The following RGS6 variants were observed in gnomAD, a reference collection of about 807,000 sequenced individuals.
RGS6 encodes regulator of G protein signaling 6.
RGS6 carries 30 observed loss-of-function variants against 78.5 expected under a neutral mutation model. That is an observed-to-expected ratio of 0.38 (90% confidence interval 0.29 to 0.52). The LOEUF is 0.52. Ranked by LOEUF, RGS6 falls within the 20% of genes least tolerant of loss-of-function variation. The pLI is 0.85. For synonymous variants in RGS6, 206 were observed against 206.0 expected, an observed-to-expected ratio of 1.00 and a Z score of 0.00; for missense variants, 495 against 609.7, an observed-to-expected ratio of 0.81 and a Z score of 1.98.
the RGS6 span, among the ~76,000 whole-genome samples, chr14:72,586,599 G>A: frequency 2.0e-5 from 3 of 151,938 alleles, no homozygotes; most frequent in African/African-American, 7.2e-5. Flanking sequence ...TTCGACACAG[G>A]GCACTTTGGT....
At chr14:71,880,480 C>T in the RGS6 span, among the ~76,000 whole-genome samples, 1 of 152,156 alleles carries the variant, frequency 6.6e-6, no homozygotes, top group African/African-American at 2.4e-5. Flanking sequence ...GTGGGCCAGG[C>T]CTAGGATCCC....
chr14:72,335,818 A>C (rs1011447765), intron 2 of RGS6, among the ~76,000 whole-genome samples: 1 of 152,198 alleles, frequency 6.6e-6, no homozygotes, highest in African/African-American at 2.4e-5. Flanking sequence ...AGCTCGGTTT[A>C]AATTGATAAG....
At chr14:72,263,334 C>T (rs945215196) in intron 2 of RGS6, among the ~76,000 whole-genome samples, 8 of 152,188 alleles carry the variant, frequency 5.3e-5, no homozygotes, top group Non-Finnish European at 1.0e-4. Context: ...TCATGTTGGC[C>T]TTTGCTGGTG....
At chr14:72,613,330 G>T in the RGS6 span, among the ~76,000 whole-genome samples, 1 of 152,152 alleles carries the variant, frequency 6.6e-6, no homozygotes, top group African/African-American at 2.4e-5. Context: ...GGGCCATTTT[G>T]CTCAATGCCT....
At chr14:72,181,005 A>G (rs958185803) in intron 2 of RGS6, among the ~76,000 whole-genome samples, 1 of 152,216 alleles carries the variant, frequency 6.6e-6, no homozygotes, top group African/African-American at 2.4e-5. Flanking sequence ...CTCTTATATT[A>G]TAACTCTCTC....
intron 3 of RGS6, among the ~76,000 whole-genome samples, chr14:72,445,896 G>A (rs1262911820): frequency 6.6e-6 from 1 of 152,158 alleles, no homozygotes; most frequent in East Asian, 1.9e-4. Flanking sequence ...TAGAGTCATT[G>A]CAGATGTAAT....
chr14:72,198,475 T>A (rs992157885), intron 2 of RGS6, among the ~76,000 whole-genome samples: 2 of 152,260 alleles, frequency 1.3e-5, no homozygotes, highest in East Asian at 3.8e-4. Flanking sequence ...CCATTTTAGT[T>A]GTACTATTCT....
intron 3 of RGS6, among the ~76,000 whole-genome samples, chr14:72,365,627 G>A (rs10483844): frequency 0.059 from 9,005 of 152,190 alleles, 451 homozygotes; most frequent in East Asian, 0.3. Flanking sequence ...CACCTGTTTC[G>A]ATCTTATGTG....
the RGS6 span, among the ~76,000 whole-genome samples, chr14:72,591,127 T>A: frequency 6.6e-6 from 1 of 152,226 alleles, no homozygotes; most frequent in African/African-American, 2.4e-5. Flanking sequence ...ATAATGCTAT[T>A]TTGCCCCTTC....
At chr14:72,137,865 A>G (rs75160020) in intron 2 of RGS6, among the ~76,000 whole-genome samples, 5,755 of 152,204 alleles carry the variant, frequency 0.038, 152 homozygotes, top group Middle Eastern at 0.088. Context: ...AATTGTTTAA[A>G]TCATTTACAT....
At chr14:72,420,668 A>G (rs1357529176) in intron 3 of RGS6, among the ~76,000 whole-genome samples, 1 of 152,062 alleles carries the variant, frequency 6.6e-6, no homozygotes, top group Admixed American at 6.6e-5. Flanking sequence ...ACACTTTTAA[A>G]CTCATGAAAA....
chr14:72,302,681 TACAC>T (rs34627833), intron 2 of RGS6, among the ~76,000 whole-genome samples: 8 of 147,818 alleles, frequency 5.4e-5, no homozygotes, highest in Admixed American at 6.7e-5. Context: ...CACATACACA[TACAC>T]ACACACACAC....
At chr14:71,891,843 T>C in the RGS6 span, among the ~76,000 whole-genome samples, 1 of 152,086 alleles carries the variant, frequency 6.6e-6, no homozygotes, top group Non-Finnish European at 1.5e-5. Context: ...CTTGTATTTT[T>C]CCCCCTTTTC....
intron 3 of RGS6, among the ~76,000 whole-genome samples, chr14:72,376,545 G>A (rs2084773246): frequency 6.6e-6 from 1 of 152,112 alleles, no homozygotes. Context: ...GCACATTTTA[G>A]TCAAATTGTC....
intron 2 of RGS6, among the ~76,000 whole-genome samples, chr14:72,330,544 G>A (rs556215355): frequency 1.3e-5 from 2 of 152,318 alleles, no homozygotes; most frequent in South Asian, 2.1e-4. Context: ...TCATAGGGAG[G>A]TTGAAAAATC....
chr14:72,436,055 CTT>C (rs2094897681), intron 3 of RGS6, among the ~76,000 whole-genome samples: 1 of 152,162 alleles, frequency 6.6e-6, no homozygotes, highest in South Asian at 2.1e-4. Context: ...GAAGGACCCT[CTT>C]TGACCCTTCT....
intron 2 of RGS6, among the ~76,000 whole-genome samples, chr14:72,051,419 G>A (rs1001896811): frequency 2.0e-5 from 3 of 151,686 alleles, no homozygotes; most frequent in East Asian, 1.9e-4. Flanking sequence ...GAAAATTAGC[G>A]CCGAAATTGG....
Position 72,255,713 on chromosome 14 carries a change from C to T in RGS6, c.85-96382C>T, listed in dbSNP as rs530421789. Among the ~76,000 whole-genome samples, 9 of 152,294 alleles carry T rather than the reference C, an allele frequency of 5.9e-5. No individual in the cohort carries two copies. In the South Asian group the frequency reaches 1.9e-3, roughly 32 times the overall value. On this transcript the variant is annotated intron_variant, in intron 2 of 17. Transcript: ENST00000553525. ...TTCTATTGCTAAAAATTGCATACCT[C>T]TCTATGTTCAAAGAAAATACCATTT...
chr14:72,059,610 G>C (rs1185895796), intron 2 of RGS6, among the ~76,000 whole-genome samples: 1 of 152,158 alleles, frequency 6.6e-6, no homozygotes, highest in Non-Finnish European at 1.5e-5. Context: ...TCTTGTTATG[G>C]ATGGAATGCC....
Sources: allele counts gnomAD v4.1 joint callset (sites outside exome capture counted in the v4.1 genomes callset), GRCh38; gene constraint gnomAD v4.1.1; transcripts MANE v1.5; gene names NCBI Gene and HGNC (gene_info 2026-07-23, HGNC 2026-07-21).